CDH13: variants seen among roughly 807,000 people sequenced by gnomAD.
The protein encoded by CDH13 is cadherin 13, also known as cadherin-13.
CDH13 carries 24 observed loss-of-function variants against 63.8 expected under a neutral mutation model. That is an observed-to-expected ratio of 0.38 (90% confidence interval 0.27 to 0.53). The LOEUF (loss-of-function observed/expected upper bound fraction) is 0.53, where lower values mean the gene tolerates loss of function less well. Ranked by LOEUF, CDH13 falls within the 20% of genes least tolerant of loss-of-function variation. The pLI is 0.85. For synonymous variants in CDH13, 503 were observed against 355.3 expected (o/e 1.42, Z -4.67); for missense variants, 1,049 against 903.1 (o/e 1.16, Z -2.07).
At chr16:83,646,712 AAC>A (rs71382879) in intron 8 of CDH13, among the ~76,000 whole-genome samples, 45 of 80,512 alleles carry the variant, frequency 5.6e-4, no homozygotes, top group African/African-American at 1.7e-3. Flanking sequence ...AAAAAAAAAA[AAC>A]ACACACACAC....
rs182386950 is a variant in CDH13, at chr16:83,279,520, C to T, written c.636+62023C>T. ...CATATCTGCCGCATTCTGGAAACCG[C>T]TGCTAAAAATGGGTATTAAATCTCA... On this transcript the variant is annotated intron_variant, in intron 5 of 13. Coordinates refer to ENST00000567109, the MANE Select transcript of CDH13 (RefSeq NM_001257.5). Among the ~76,000 whole-genome samples the T allele has an allele frequency of 3.0e-4, 45 of 152,284 alleles. 1 individual carries two copies. The highest frequency in any genetic ancestry group is 1.0e-3 in the African/African-American group (43 of 41,562).
At chr16:83,671,861 TG>T (rs1285872253) in intron 9 of CDH13, among the ~76,000 whole-genome samples, 1 of 152,262 alleles carries the variant, frequency 6.6e-6, no homozygotes, top group East Asian at 1.9e-4. Flanking sequence ...GAAATATTAG[TG>T]GGGGTGGTAG....
chr16:83,415,280 G>T (rs117754444), intron 6 of CDH13, among the ~76,000 whole-genome samples: 4 of 151,978 alleles, frequency 2.6e-5, no homozygotes, highest in Non-Finnish European at 5.9e-5. Context: ...AGATTGAATC[G>T]GTAACCACAA....
chr16:83,147,111 C>T (rs2036784086), intron 4 of CDH13, among the ~76,000 whole-genome samples: 1 of 152,108 alleles, frequency 6.6e-6, no homozygotes, highest in Non-Finnish European at 1.5e-5. Flanking sequence ...ATGGAGGCTG[C>T]ACTCCAAAGG....
At chr16:83,553,080 A>G (rs1338282711) in intron 7 of CDH13, among the ~76,000 whole-genome samples, 1 of 16,642 alleles carries the variant, frequency 6.0e-5, no homozygotes, top group Non-Finnish European at 1.9e-4. Context: ...CTCCATCTCA[A>G]AAAAAAAAAA....
intron 5 of CDH13, among the ~76,000 whole-genome samples, chr16:83,248,906 T>A (rs1450155987): frequency 6.6e-6 from 1 of 152,204 alleles, no homozygotes; most frequent in Admixed American, 6.5e-5. Flanking sequence ...TTCCCCTTGG[T>A]GCATATCCAA....
At chr16:82,760,890 A>G (rs1277505628) in intron 1 of CDH13, among the ~76,000 whole-genome samples, 1 of 152,094 alleles carries the variant, frequency 6.6e-6, no homozygotes, top group South Asian at 2.1e-4. Flanking sequence ...TGCAGTAACT[A>G]ATAGAGGGAG....
At chr16:83,418,346 A>C (rs970535950) in intron 6 of CDH13, among the ~76,000 whole-genome samples, 1 of 152,218 alleles carries the variant, frequency 6.6e-6, no homozygotes, top group Non-Finnish European at 1.5e-5. Flanking sequence ...AATAAATACA[A>C]GCATCCTAGA....
At chr16:83,258,164 C>A (rs1417535319) in intron 5 of CDH13, among the ~76,000 whole-genome samples, 1 of 152,204 alleles carries the variant, frequency 6.6e-6, no homozygotes, top group Non-Finnish European at 1.5e-5. Context: ...TAATCACATT[C>A]ATTAAGATGA....
chr16:83,555,509 T>G (rs1311413621), intron 7 of CDH13, among the ~76,000 whole-genome samples: 1 of 152,208 alleles, frequency 6.6e-6, no homozygotes, highest in African/African-American at 2.4e-5. Context: ...CAGTGTTCAC[T>G]GGAAAAGCCG....
intron 8 of CDH13, among the ~76,000 whole-genome samples, chr16:83,646,331 G>C (rs939715760): frequency 6.6e-6 from 1 of 152,286 alleles, no homozygotes; most frequent in South Asian, 2.1e-4. Context: ...GTATGTAATC[G>C]TTAGCTGTGA....
chr16:83,343,398 C>A (rs527727423), intron 5 of CDH13, among the ~76,000 whole-genome samples: 1 of 152,312 alleles, frequency 6.6e-6, no homozygotes, highest in South Asian at 2.1e-4. Flanking sequence ...GATGTTCAGG[C>A]AGATGCCAGT....
At chr16:82,957,612 G>C (rs748353645) in intron 2 of CDH13, among the ~76,000 whole-genome samples, 1 of 152,200 alleles carries the variant, frequency 6.6e-6, no homozygotes, top group Non-Finnish European at 1.5e-5. Context: ...ATGCAGGGCA[G>C]TATACTTTAG....
At chr16:83,779,947 C>T (rs1465767356) in intron 11 of CDH13, 21 bp from the exon 12 acceptor site, 4 of 1,563,276 alleles carry the variant, frequency 2.6e-6, no homozygotes, top group African/African-American at 2.7e-5. Context: ...TGCATACCAA[C>T]ATCTTCCCTT....
chr16:83,331,406 A>G (rs559826117), intron 5 of CDH13, among the ~76,000 whole-genome samples: 2 of 152,300 alleles, frequency 1.3e-5, no homozygotes, highest in South Asian at 2.1e-4. Context: ...ATGATGTCCT[A>G]TGTACTTAAT....
rs561445721 is a variant in CDH13 at position 83,348,515 on chromosome 16, C to G, written c.781+3509C>G. 4.6e-5 allele frequency among the ~76,000 whole-genome samples: 7 copies of G among 152,304 alleles called. No individual in the cohort carries two copies. The East Asian group carries it at 1.4e-3, about 29-fold the overall frequency. On this transcript the variant is annotated intron_variant, in intron 6 of 13. Coordinates refer to ENST00000567109, the MANE Select transcript of CDH13 (RefSeq NM_001257.5). ...ACACAGCCAAGGGAACAGAAGGGTC[C>G]CATGCTCAGAAGGGCCTGGGGCTTG...
chr16:83,450,229 C>G (rs2072847629), intron 6 of CDH13, among the ~76,000 whole-genome samples: 1 of 152,198 alleles, frequency 6.6e-6, no homozygotes, highest in African/African-American at 2.4e-5. Context: ...CCTGTGAGGC[C>G]CATAAGCCTG....
intron 1 of CDH13, among the ~76,000 whole-genome samples, chr16:82,685,592 CTG>C (rs541637450): frequency 1.2e-4 from 19 of 152,232 alleles, no homozygotes; most frequent in African/African-American, 4.3e-4. Flanking sequence ...GTGTTTGTGC[CTG>C]TGTGTGTGCA....
intron 7 of CDH13, among the ~76,000 whole-genome samples, chr16:83,588,283 T>G (rs1437347623): frequency 6.6e-6 from 1 of 152,218 alleles, no homozygotes; most frequent in Non-Finnish European, 1.5e-5. Context: ...TGTCTAACAT[T>G]GCCCATGCCT....
Sources: gnomAD v4.1 joint callset for allele counts (sites outside exome capture counted in the v4.1 genomes callset) on GRCh38, gnomAD v4.1.1 for gene constraint, MANE v1.5 for transcripts, NCBI Gene and HGNC (gene_info 2026-07-23, HGNC 2026-07-21) for gene names.